ARHGAP15: variants seen among roughly 807,000 people sequenced by gnomAD.
The protein encoded by ARHGAP15 is rho GTPase-activating protein 15.
ARHGAP15 carries 51 observed loss-of-function variants against 63.7 expected under a neutral mutation model. That is an observed-to-expected ratio of 0.80 (90% CI 0.64 to 1.01). The LOEUF (loss-of-function observed/expected upper bound fraction) is 1.01, where lower values mean the gene tolerates loss of function less well. Ranked by LOEUF, ARHGAP15 falls within the 50% of genes least tolerant of loss-of-function variation. ARHGAP15 has a pLI of 0.00. For missense variants in ARHGAP15, 560 were observed against 564.6 expected, an observed-to-expected ratio of 0.99 and a Z score of 0.08; for synonymous variants, 191 against 193.8, an observed-to-expected ratio of 0.99 and a Z score of 0.12.
At chr2:143,676,290 T>C (rs1682822742) in intron 12 of ARHGAP15, 1 of 152,288 alleles carries the variant, frequency 6.6e-6, no homozygotes, top group Admixed American at 6.5e-5. Flanking sequence ...AAGTCTGTTT[T>C]GCTTTCTTAT....
intron 11 of ARHGAP15, among the ~76,000 whole-genome samples, chr2:143,618,076 T>TTTGGCACAGGG (rs1280470007): frequency 1.3e-5 from 2 of 152,122 alleles, no homozygotes; most frequent in Admixed American, 6.5e-5. Context: ...AGATGCTACT[T>TTTGGCACAGGG]TTGGCACAGG....
intron 6 of ARHGAP15, among the ~76,000 whole-genome samples, chr2:143,290,360 T>G (rs944723569): frequency 4.6e-5 from 7 of 151,826 alleles, no homozygotes; most frequent in African/African-American, 1.5e-4. Context: ...AGTGGTGGTG[T>G]TTAAGGGTTA....
chr2:143,342,787 T>C (rs927986859), intron 6 of ARHGAP15, among the ~76,000 whole-genome samples: 6 of 152,046 alleles, frequency 3.9e-5, no homozygotes, highest in African/African-American at 1.4e-4. Context: ...TGTGAATATA[T>C]GATCACTAGA....
At chr2:143,257,534 T>C (rs765432312) in intron 6 of ARHGAP15, among the ~76,000 whole-genome samples, 2 of 152,092 alleles carry the variant, frequency 1.3e-5, no homozygotes, top group Non-Finnish European at 2.9e-5. Context: ...TTGGAATAAA[T>C]TCTGGGTTTT....
intron 6 of ARHGAP15, among the ~76,000 whole-genome samples, chr2:143,358,470 C>T (rs1379732589): frequency 6.6e-6 from 1 of 150,614 alleles, no homozygotes; most frequent in African/African-American, 2.4e-5. Flanking sequence ...TTTAATATGA[C>T]ATTATGCAAA....
intron 13 of ARHGAP15, among the ~76,000 whole-genome samples, chr2:143,743,723 G>A (rs1686053768): frequency 6.6e-6 from 1 of 152,030 alleles, no homozygotes. Context: ...GGGGATATCT[G>A]GTTAGAAGAA....
chr2:143,305,600 GC>G (rs1310953519), intron 6 of ARHGAP15: 1 of 151,872 alleles, frequency 6.6e-6, no homozygotes, highest in Non-Finnish European at 1.5e-5. Context: ...TCAAATATTG[GC>G]TCTCTAAACC....
chr2:143,154,369 A>G (rs1213149080), intron 1 of ARHGAP15, among the ~76,000 whole-genome samples: 7 of 151,868 alleles, frequency 4.6e-5, no homozygotes, highest in Non-Finnish European at 1.0e-4. Context: ...CTGCTTGGCC[A>G]TTAGAATGAA....
At chr2:143,270,896 T>C (rs917269271) in intron 6 of ARHGAP15, among the ~76,000 whole-genome samples, 2 of 152,202 alleles carry the variant, frequency 1.3e-5, no homozygotes, top group African/African-American at 4.8e-5. Flanking sequence ...ATCAGTCATA[T>C]TCAAAATATT....
At chr2:143,204,853 A>T (rs766353934) in intron 3 of ARHGAP15, among the ~76,000 whole-genome samples, 11 of 152,036 alleles carry the variant, frequency 7.2e-5, no homozygotes, top group Non-Finnish European at 1.3e-4. Flanking sequence ...TTTGGTGCCC[A>T]GAAATTTGGA....
intron 6 of ARHGAP15, among the ~76,000 whole-genome samples, chr2:143,351,584 A>G (rs1685573543): frequency 6.6e-6 from 1 of 152,150 alleles, no homozygotes; most frequent in African/African-American, 2.4e-5. Context: ...CATTTCTTCT[A>G]CAAGGAATGG....
intron 10 of ARHGAP15, chr2:143,519,571 TG>T (rs1693972365): frequency 5.2e-6 from 2 of 384,822 alleles, no homozygotes; most frequent in Non-Finnish European, 9.7e-6. Context: ...TGTTCTTTTT[TG>T]TTTTTAATAT....
intron 2 of ARHGAP15, among the ~76,000 whole-genome samples, chr2:143,178,818 A>G (rs974001266): frequency 7.2e-5 from 11 of 152,188 alleles, no homozygotes; most frequent in African/African-American, 2.7e-4. Flanking sequence ...CATGCTTCAT[A>G]CATTTTGAGT....
intron 8 of ARHGAP15, among the ~76,000 whole-genome samples, chr2:143,444,241 C>G (rs1198476462): frequency 1.3e-5 from 2 of 152,072 alleles, no homozygotes; most frequent in Non-Finnish European, 2.9e-5. Flanking sequence ...GCTCTTTGCT[C>G]TAACTCTCAA....
intron 6 of ARHGAP15, among the ~76,000 whole-genome samples, chr2:143,303,421 A>C (rs1337143615): frequency 1.3e-5 from 2 of 152,078 alleles, no homozygotes. Flanking sequence ...CATATGTAGA[A>C]AGCTGAAACT....
At chr2:143,401,982 G>A (rs1352178290) in intron 6 of ARHGAP15, among the ~76,000 whole-genome samples, 3 of 151,786 alleles carry the variant, frequency 2.0e-5, no homozygotes, top group Non-Finnish European at 4.4e-5. Context: ...ATGTGGATAG[G>A]TCTGACGTTG....
intron 10 of ARHGAP15, among the ~76,000 whole-genome samples, chr2:143,547,651 G>A (rs1695388295): frequency 6.7e-6 from 1 of 150,292 alleles, no homozygotes; most frequent in Admixed American, 6.6e-5. Context: ...CAAGACAGTG[G>A]TTTTACTCCT....
chr2:143,134,872 C>G (rs553211189), intron 1 of ARHGAP15, among the ~76,000 whole-genome samples: 1 of 151,946 alleles, frequency 6.6e-6, no homozygotes, highest in Admixed American at 6.6e-5. Context: ...CTCCTGACCT[C>G]GTGATCTGCC....
intron 11 of ARHGAP15, among the ~76,000 whole-genome samples, chr2:143,623,214 G>C (rs1407346299): frequency 6.6e-6 from 1 of 152,304 alleles, no homozygotes; most frequent in Middle Eastern, 3.4e-3. Context: ...GTCCCTTTCA[G>C]ACGTGAATGC....
Sources: gnomAD v4.1 joint callset for allele counts (sites outside exome capture counted in the v4.1 genomes callset) on GRCh38, gnomAD v4.1.1 for gene constraint, MANE v1.5 for transcripts, NCBI Gene and HGNC (gene_info 2026-07-23, HGNC 2026-07-21) for gene names.